Variants in TRMT2B observed in about 807,000 individuals in gnomAD.
TRMT2B encodes the protein tRNA methyltransferase 2B, also known as tRNA (uracil-5-)-methyltransferase homolog B.
A neutral mutation model predicts 39.7 loss-of-function variants in TRMT2B; 34 were observed. That is an observed-to-expected ratio of 0.86 (90% CI 0.65 to 1.14). TRMT2B has a LOEUF of 1.14. Ranked by LOEUF, TRMT2B falls within the 50% of genes most tolerant of loss-of-function variation. The pLI, the probability that TRMT2B is intolerant of heterozygous loss-of-function variation, is 0.00. For synonymous variants in TRMT2B, 132 were observed against 137.3 expected (o/e 0.96, Z 0.27); for missense variants, 318 against 377.2 (o/e 0.84, Z 1.30).
intron 4 of TRMT2B, among the ~76,000 whole-genome samples, chrX:101,039,562 A>C (rs2148056922): frequency 8.9e-6 from 1 of 112,119 alleles, no homozygotes; most frequent in Non-Finnish European, 1.9e-5. Context: ...AGAACCTAAT[A>C]AAAACAGCAG....
intron 6 of TRMT2B, among the ~76,000 whole-genome samples, chrX:101,036,377 G>A (rs755024883): frequency 9.8e-6 from 1 of 102,206 alleles, no homozygotes; most frequent in African/African-American, 3.6e-5. Flanking sequence ...CTCGGGAGGC[G>A]GAGGTTGCAG....
the TRMT2B span, among the ~76,000 whole-genome samples, chrX:100,997,030 A>G: frequency 9.0e-6 from 1 of 111,495 alleles, no homozygotes; most frequent in African/African-American, 3.3e-5. Flanking sequence ...ATAGGCTTCT[A>G]TAAGTTCCAT....
At chrX:101,044,839 CAAA>C (rs753968399) in intron 2 of TRMT2B, among the ~76,000 whole-genome samples, 2 of 31,037 alleles carry the variant, frequency 6.4e-5, no homozygotes, top group African/African-American at 1.2e-4. Flanking sequence ...AACTCGGTCT[CAAA>C]AAAAAAAAAA....
chrX:101,004,295 C>A, the TRMT2B span, among the ~76,000 whole-genome samples: 208 of 107,568 alleles, frequency 1.9e-3, no homozygotes, highest in African/African-American at 6.6e-3. Flanking sequence ...AACAACAAAC[C>A]CTCAAAAAAA....
intron 2 of TRMT2B, among the ~76,000 whole-genome samples, chrX:101,049,159 G>A (rs1291869097): frequency 9.0e-6 from 1 of 111,123 alleles, no homozygotes; most frequent in Non-Finnish European, 1.9e-5. Context: ...GGAGTGTAGT[G>A]AGGTTATGGC....
At chrX:101,045,729 T>G (rs796280740) in intron 2 of TRMT2B, among the ~76,000 whole-genome samples, 3 of 109,562 alleles carry the variant, frequency 2.7e-5, no homozygotes, top group African/African-American at 9.9e-5. Context: ...ACCCAGTAGG[T>G]AGAGGTTGCA....
chrX:101,035,568 T>C lies in TRMT2B; in HGVS notation c.609+45A>G, dbSNP rs767780634. ...TGTCAGGGATGTTGCTGTTGTAGAC[T>C]ACAATGCTCCAGGCCATTCTCAACC... is the stretch of plus-strand genomic sequence containing the variant. On this transcript the variant is annotated intron_variant, in intron 7 of 13. Coordinates refer to ENST00000372936, the MANE Select transcript of TRMT2B (RefSeq NM_024917.6). The C allele has an allele frequency of 3.6e-6, 4 of 1,112,538 alleles. No homozygotes were observed. In the African/African-American group the frequency reaches 5.4e-5, roughly 15 times the overall value. 91.7% of individuals were successfully genotyped at this position (1,112,538 alleles called of 1,213,427 possible).
chrX:100,974,794 T>C, the TRMT2B span, among the ~76,000 whole-genome samples: 1 of 111,949 alleles, frequency 8.9e-6, no homozygotes, highest in East Asian at 2.8e-4. Flanking sequence ...ACACTACTTA[T>C]TAAGGACCAA....
chrX:100,989,640 T>A, the TRMT2B span, among the ~76,000 whole-genome samples: 1 of 111,463 alleles, frequency 9.0e-6, no homozygotes, highest in African/African-American at 3.3e-5. Flanking sequence ...TTTCTTTTTT[T>A]ATAATAAGCA....
chrX:101,044,337 C>T (rs778331570), intron 2 of TRMT2B, among the ~76,000 whole-genome samples: 8 of 110,776 alleles, frequency 7.2e-5, no homozygotes, highest in South Asian at 3.7e-4. Flanking sequence ...ATGTGTAGCA[C>T]GTAAGTAGAG....
At chrX:100,987,314 A>G in the TRMT2B span, 2 of 1,026,141 alleles carry the variant, frequency 1.9e-6, no homozygotes, top group Non-Finnish European at 2.6e-6. Context: ...CACTCTTTGA[A>G]TGAGAGTGAC....
chrX:101,031,779 C>T (rs1436101041), intron 7 of TRMT2B, among the ~76,000 whole-genome samples: 1 of 108,366 alleles, frequency 9.2e-6, no homozygotes, highest in East Asian at 2.9e-4. Flanking sequence ...CAGAATGCTA[C>T]ATGAAAGGAG....
chrX:100,987,275 C>A, the TRMT2B span: 1 of 751,177 alleles, frequency 1.3e-6, no homozygotes, highest in Non-Finnish European at 1.9e-6. Context: ...CAGAGCCTCT[C>A]TAGGCATAGC....
At chrX:101,048,624 A>G (rs986129320) in intron 2 of TRMT2B, among the ~76,000 whole-genome samples, 1 of 111,741 alleles carries the variant, frequency 8.9e-6, no homozygotes, top group African/African-American at 3.3e-5. Context: ...TTTTTAGTAG[A>G]GACGGGGGTC....
Position 101,019,290 on chromosome X carries a change from C to T in TRMT2B, c.1282G>A (p.Gly428Arg), listed in dbSNP as rs1470078102. 25 of 1,209,699 alleles carry T rather than the reference C, an allele frequency of 2.1e-5. No homozygotes were observed. The highest frequency in any genetic ancestry group is 3.0e-5 in the East Asian group (1 of 33,724). ...AATAGCTGTTCATCCTTACGCAGTC[C>T]GGCACGGGCTGGGTTCACCACAGCA... ...IVAVVNPARA[G>R]LHYKVIQAIR... The change falls in exon 12 of 14, where the codon GGA becomes AGA. Residue 428 changes from glycine to arginine, a missense_variant. Coordinates refer to ENST00000372936, the MANE Select transcript of TRMT2B (RefSeq NM_024917.6).
chrX:101,023,106 T>C (rs915784894), intron 8 of TRMT2B, among the ~76,000 whole-genome samples: 5 of 112,312 alleles, frequency 4.5e-5, no homozygotes, highest in Non-Finnish European at 7.5e-5. Flanking sequence ...ACCAAGTGCA[T>C]GACAAATGTA....
Position 101,009,775 on chromosome X carries a change from T to A in TRMT2B, c.*806A>T, listed in dbSNP as rs1487323677. 1 of 91,463 alleles carries A rather than the reference T, an allele frequency of 1.1e-5. No individual in the cohort carries two copies. Among genetic ancestry groups the A allele is most frequent in the South Asian group, 4.9e-4 (1 of 2,052 alleles). The allele number at this position is 91,463 out of a possible 1,213,427, so 7.5% of individuals were successfully genotyped here. A position where few individuals can be genotyped will look rare whatever the true frequency, so the allele number is the denominator to read the frequency against. ...CAAAAGAATTAATCTCATCTGATGA[T>A]CACTCAGTCACCCTGTATTCACTTC... On this transcript the variant is annotated 3_prime_UTR_variant, in exon 14 of 14. Transcript: ENST00000372936.
chrX:100,998,647 A>G, the TRMT2B span, among the ~76,000 whole-genome samples: 1 of 111,083 alleles, frequency 9.0e-6, no homozygotes. Context: ...TTGTTTCACT[A>G]ATTGGTCACA....
At chrX:100,998,813 G>T in the TRMT2B span, among the ~76,000 whole-genome samples, 2 of 110,748 alleles carry the variant, frequency 1.8e-5, no homozygotes, top group Non-Finnish European at 3.8e-5. Context: ...CTCCAAAACT[G>T]CTCTGCTTGG....
Sources: allele counts gnomAD v4.1 joint callset (sites outside exome capture counted in the v4.1 genomes callset), GRCh38; gene constraint gnomAD v4.1.1; transcripts MANE v1.5; gene names NCBI Gene and HGNC (gene_info 2026-07-23, HGNC 2026-07-21).